Variants in GABRB2 observed in about 807,000 individuals in gnomAD.
The protein encoded by GABRB2 is gamma-aminobutyric acid receptor subunit beta-2.
In GABRB2, 16 loss-of-function variants were observed where a neutral mutation model predicts 54.7. That is an observed-to-expected ratio of 0.29 (90% CI 0.20 to 0.44). The LOEUF is 0.44. Ranked by LOEUF, GABRB2 falls within the 20% of genes least tolerant of loss-of-function variation. The pLI, the probability that GABRB2 is intolerant of heterozygous loss-of-function variation, is 1.00. For synonymous variants in GABRB2, 244 were observed against 233.8 expected (o/e 1.04, Z -0.40); for missense variants, 355 against 644.0 (o/e 0.55, Z 4.86).
intron 4 of GABRB2, among the ~76,000 whole-genome samples, chr5:161,446,739 T>G (rs911433441): frequency 6.6e-6 from 1 of 152,140 alleles, no homozygotes; most frequent in Admixed American, 6.6e-5. Context: ...GAGTCATTAG[T>G]TGACTTATGA....
chr5:161,331,168 C>A (rs1156473573), intron 7 of GABRB2, 41 bp from the exon 8 acceptor site: 4 of 1,506,842 alleles, frequency 2.7e-6, no homozygotes, highest in African/African-American at 1.4e-5. Context: ...ATGTTCCTAT[C>A]TCTTTTCTTC....
At chr5:161,507,769 C>A (rs373772807) in intron 3 of GABRB2, among the ~76,000 whole-genome samples, 3 of 151,966 alleles carry the variant, frequency 2.0e-5, no homozygotes, top group Admixed American at 2.0e-4. Context: ...CAGCATTAGT[C>A]ATCAGAGAAA....
chr5:161,348,155 G>A (rs1754373276), intron 5 of GABRB2, among the ~76,000 whole-genome samples: 1 of 151,782 alleles, frequency 6.6e-6, no homozygotes, highest in Non-Finnish European at 1.5e-5. Flanking sequence ...CCTTTATACT[G>A]CAACATTATT....
intron 3 of GABRB2, among the ~76,000 whole-genome samples, chr5:161,511,088 G>A (rs1452954431): frequency 6.6e-6 from 1 of 151,912 alleles, no homozygotes; most frequent in East Asian, 1.9e-4. Flanking sequence ...TAATAATTGA[G>A]AAAGTGGCAA....
At chr5:161,326,983 A>C (rs1758384655) in intron 8 of GABRB2, 1 of 984,580 alleles carries the variant, frequency 1.0e-6, no homozygotes, top group African/African-American at 1.8e-5. Context: ...GGGGAGTTGA[A>C]ACTTGAAGCT....
chr5:161,322,840 T>C (rs1758251526), intron 9 of GABRB2, among the ~76,000 whole-genome samples: 1 of 152,160 alleles, frequency 6.6e-6, no homozygotes, highest in Non-Finnish European at 1.5e-5. Context: ...AGGATTGCTT[T>C]GCCTTCATTT....
chr5:161,385,448 A>G (rs568181914), intron 5 of GABRB2, among the ~76,000 whole-genome samples: 1 of 152,292 alleles, frequency 6.6e-6, no homozygotes, highest in African/African-American at 2.4e-5. Flanking sequence ...CCGATGCTTG[A>G]AACTGTCATT....
At chr5:161,499,055 A>G (rs1759344522) in intron 3 of GABRB2, among the ~76,000 whole-genome samples, 2 of 151,964 alleles carry the variant, frequency 1.3e-5, no homozygotes, top group Admixed American at 1.3e-4. Flanking sequence ...TTGATCACCA[A>G]TAAATAGTGT....
chr5:161,377,838 C>T (rs919223900), intron 5 of GABRB2, among the ~76,000 whole-genome samples: 2 of 151,922 alleles, frequency 1.3e-5, no homozygotes, highest in Admixed American at 6.6e-5. Context: ...CTATAAAAAA[C>T]ACACAGTGTC....
At chr5:161,362,914 T>C (rs1754856121) in intron 5 of GABRB2, among the ~76,000 whole-genome samples, 1 of 152,182 alleles carries the variant, frequency 6.6e-6, no homozygotes, top group African/African-American at 2.4e-5. Context: ...ATAGGAATGC[T>C]TTTACACTGT....
At chr5:161,465,907 C>T (rs1287732167) in intron 3 of GABRB2, among the ~76,000 whole-genome samples, 2 of 152,042 alleles carry the variant, frequency 1.3e-5, no homozygotes, top group East Asian at 3.9e-4. Flanking sequence ...AGGAAATTGA[C>T]ATATATAATA....
At chr5:161,345,051 G>C (rs1466023179) in intron 5 of GABRB2, among the ~76,000 whole-genome samples, 1 of 152,006 alleles carries the variant, frequency 6.6e-6, no homozygotes, top group Non-Finnish European at 1.5e-5. Flanking sequence ...TCTGGGGCTG[G>C]GGGCTAGGGG....
chr5:161,479,254 A>T (rs915257362), intron 3 of GABRB2, among the ~76,000 whole-genome samples: 1 of 152,062 alleles, frequency 6.6e-6, no homozygotes, highest in African/African-American at 2.4e-5. Context: ...GATATTCTTT[A>T]TATACACTGA....
At chr5:161,503,140 T>C (rs1759499959) in intron 3 of GABRB2, among the ~76,000 whole-genome samples, 1 of 152,004 alleles carries the variant, frequency 6.6e-6, no homozygotes, top group South Asian at 2.1e-4. Flanking sequence ...TGTTTTTTTT[T>C]TTCCAGAAAT....
chr5:161,380,672 G>C (rs1001261756), intron 5 of GABRB2, among the ~76,000 whole-genome samples: 5 of 152,124 alleles, frequency 3.3e-5, no homozygotes, highest in African/African-American at 7.2e-5. Context: ...AGAGCTGAGA[G>C]TTTCCAGAGC....
intron 1 of GABRB2, 43 bp from the exon 2 acceptor site, chr5:161,546,456 A>C: frequency 6.3e-7 from 1 of 1,590,590 alleles, no homozygotes; most frequent in Non-Finnish European, 8.6e-7. Flanking sequence ...ATAAGGAAGC[A>C]GGCATAGCGT....
chr5:161,371,658 G>C (rs942268768), intron 5 of GABRB2, among the ~76,000 whole-genome samples: 8 of 152,114 alleles, frequency 5.3e-5, no homozygotes, highest in African/African-American at 1.9e-4. Flanking sequence ...GGATAAAGAG[G>C]GGGTAAAGTC....
In GABRB2 at chr5:161,531,839, G is replaced by A. The variant is rs994852313; in HGVS notation, c.237+13388C>T. ...TTAAATTTCTATTTCAGATATGTTTGATAACATACACTGCATATTAATACA... is the reference window on the plus strand; with the variant it reads ...TTAAATTTCTATTTCAGATATGTTTAATAACATACACTGCATATTAATACA... On this transcript the variant is annotated intron_variant, in intron 3 of 9. Transcript: ENST00000393959. 1.6e-4 allele frequency among the ~76,000 whole-genome samples: 25 copies of A among 151,808 alleles called. 1 individual carries two copies. The highest frequency in any genetic ancestry group is 6.1e-4 in the African/African-American group (25 of 41,260).
chr5:161,463,803 A>T (rs371078426), intron 3 of GABRB2, among the ~76,000 whole-genome samples: 14 of 151,080 alleles, frequency 9.3e-5, no homozygotes, highest in Non-Finnish European at 1.3e-4. Context: ...TTTCTGACAA[A>T]GGTACAAAGA....
Sources: gnomAD v4.1 joint callset for allele counts (sites outside exome capture counted in the v4.1 genomes callset) on GRCh38, gnomAD v4.1.1 for gene constraint, MANE v1.5 for transcripts, NCBI Gene and HGNC (gene_info 2026-07-23, HGNC 2026-07-21) for gene names.